RASGRF2: variants seen among roughly 807,000 people sequenced by gnomAD.
The protein encoded by RASGRF2 is Ras protein specific guanine nucleotide releasing factor 2, also known as ras-specific guanine nucleotide-releasing factor 2.
In RASGRF2, 76 loss-of-function variants were observed where a neutral mutation model predicts 151.0. That is an observed-to-expected ratio of 0.50 (90% CI 0.42 to 0.61). The LOEUF (loss-of-function observed/expected upper bound fraction) is 0.61, where lower values mean the gene tolerates loss of function less well. Among genes scored for constraint, RASGRF2 ranks in the 20% least tolerant of loss-of-function variants. RASGRF2 has a pLI of 0.00. For synonymous variants in RASGRF2, 504 were observed against 566.5 expected (o/e 0.89, Z 1.57); for missense variants, 1,148 against 1,564.6 (o/e 0.73, Z 4.49).
intron 1 of RASGRF2, among the ~76,000 whole-genome samples, chr5:81,012,860 G>A (rs979727208): frequency 2.6e-5 from 4 of 152,052 alleles, no homozygotes; most frequent in African/African-American, 9.7e-5. Flanking sequence ...GTGTGACAAG[G>A]TCGTGCACCT....
At chr5:81,134,079 C>CGTGTGT (rs139770057) in intron 17 of RASGRF2, among the ~76,000 whole-genome samples, 29,191 of 143,496 alleles carry the variant, frequency 0.2, 3,175 homozygotes, top group Middle Eastern at 0.24. Flanking sequence ...TGCTTGTGTG[C>CGTGTGT]GTGTGTGTGT....
chr5:80,995,571 ACT>A (rs996897338), intron 1 of RASGRF2, among the ~76,000 whole-genome samples: 1 of 145,808 alleles, frequency 6.9e-6, no homozygotes, highest in African/African-American at 2.5e-5. Context: ...GCCATACCCC[ACT>A]CTTTCTCATT....
chr5:81,036,495 T>G (rs1451738886), intron 1 of RASGRF2, among the ~76,000 whole-genome samples: 1 of 152,114 alleles, frequency 6.6e-6, no homozygotes, highest in African/African-American at 2.4e-5. Flanking sequence ...CTAGATAAGT[T>G]TATGTTTTCT....
chr5:81,060,117 G>A lies in RASGRF2; in HGVS notation c.396-7915G>A, dbSNP rs141080251. 2.5e-3 allele frequency among the ~76,000 whole-genome samples: 388 copies of A among 152,320 alleles called. 7 individuals are homozygous for A. The highest frequency in any genetic ancestry group is 8.3e-3 in the African/African-American group (346 of 41,564). On this transcript the variant is annotated intron_variant, in intron 2 of 26. Coordinates refer to ENST00000265080, the MANE Select transcript of RASGRF2 (RefSeq NM_006909.3). ...GAACTCATTCACTGTCTTGAGGACA[G>A]CATGAAGCCATGAGGGATCTGTCCC... is the stretch of plus-strand genomic sequence containing the variant.
chr5:81,203,123 T>C (rs1755433804), intron 19 of RASGRF2, among the ~76,000 whole-genome samples: 1 of 152,222 alleles, frequency 6.6e-6, no homozygotes, highest in African/African-American at 2.4e-5. Context: ...TGTAAGTACA[T>C]ATTGAGGTGA....
chr5:81,134,229 G>A (rs1024639544), intron 17 of RASGRF2, among the ~76,000 whole-genome samples: 25 of 152,150 alleles, frequency 1.6e-4, no homozygotes, highest in Non-Finnish European at 2.9e-4. Context: ...GTAGAAGAAT[G>A]TGGTTAAAAC....
chr5:81,074,579 T>C (rs1751881342), intron 5 of RASGRF2, among the ~76,000 whole-genome samples: 1 of 152,202 alleles, frequency 6.6e-6, no homozygotes, highest in Non-Finnish European at 1.5e-5. Context: ...GAGTCTTATT[T>C]TCCCTCTTCT....
intron 26 of RASGRF2, among the ~76,000 whole-genome samples, chr5:81,222,705 A>G (rs1755880621): frequency 6.6e-6 from 1 of 152,232 alleles, no homozygotes; most frequent in South Asian, 2.1e-4. Context: ...TAGATAATAA[A>G]TGTTTCTTGA....
At chr5:81,005,220 G>A (rs1429871218) in intron 1 of RASGRF2, among the ~76,000 whole-genome samples, 2 of 152,116 alleles carry the variant, frequency 1.3e-5, no homozygotes, top group African/African-American at 2.4e-5. Context: ...AGGGAAAGAG[G>A]TTTAGTTGAC....
Position 80,960,469 on chromosome 5 carries a change from G to A in RASGRF2, c.-270G>A, listed in dbSNP as rs1166122743. Among the ~76,000 whole-genome samples the A allele has an allele frequency of 6.8e-6, 1 of 147,494 alleles. No individual in the cohort carries two copies. The highest frequency in any genetic ancestry group is 2.2e-4 in the East Asian group (1 of 4,628). On this transcript the variant is annotated 5_prime_UTR_variant, in exon 1 of 27. Transcript: ENST00000265080. The surrounding 1 kb of genome is among the most constrained non-coding windows in gnomAD (Gnocchi z 5.5). ...GCCCTCGCGGGGCCGCGCTCCACGCGGGCGTTGGGGGCTTGGGGGGCTCCG... is the reference window on the plus strand; with the variant it reads ...GCCCTCGCGGGGCCGCGCTCCACGCAGGCGTTGGGGGCTTGGGGGGCTCCG...
chr5:80,977,698 C>A (rs1748170365), intron 1 of RASGRF2, among the ~76,000 whole-genome samples: 1 of 152,354 alleles, frequency 6.6e-6, no homozygotes, highest in Non-Finnish European at 1.5e-5. Flanking sequence ...CTCAGGTGAT[C>A]CGCCTGCTTC....
chr5:81,031,615 C>G (rs1750251045), intron 1 of RASGRF2, among the ~76,000 whole-genome samples: 1 of 152,150 alleles, frequency 6.6e-6, no homozygotes, highest in Admixed American at 6.6e-5. Context: ...AACAAAGACA[C>G]CACATACCCA....
At position 81,026,171 on chromosome 5, in the gene RASGRF2, C is replaced by T. The variant is rs74548511; in HGVS notation, c.289-16706C>T. Among the ~76,000 whole-genome samples the T allele has an allele frequency of 1.4e-3, 56 of 40,516 alleles. 1 individual carries two copies. Among genetic ancestry groups the T allele is most frequent in the Admixed American group, 2.2e-3 (8 of 3,660 alleles). The allele number at this position is 40,516 out of a possible 152,430, so 26.6% of individuals were successfully genotyped here. On this transcript the variant is annotated intron_variant, in intron 1 of 26. Transcript: ENST00000265080. ...TCCTTCCTCCCTCCCTCTCTTCCTC[C>T]CTTCCTCCCTTCCTTCCTTTTTCCT... is the stretch of plus-strand genomic sequence containing the variant.
At chr5:81,019,728 A>T (rs1580211337) in intron 1 of RASGRF2, 1 of 152,278 alleles carries the variant, frequency 6.6e-6, no homozygotes, top group Admixed American at 6.5e-5. Context: ...TAATTTAAAC[A>T]TCACTGATTT....
intron 18 of RASGRF2, among the ~76,000 whole-genome samples, chr5:81,186,617 A>G (rs912393633): frequency 7.2e-5 from 11 of 152,190 alleles, no homozygotes; most frequent in African/African-American, 2.4e-4. Flanking sequence ...TCATTAAAAT[A>G]TATGTTCCCT....
In RASGRF2 at chr5:81,092,901, A is replaced by G; in HGVS notation, c.1491A>G (p.Leu497=). 1 of 1,612,908 alleles carries G rather than the reference A, an allele frequency of 6.2e-7. No individual in the cohort carries two copies. The highest frequency in any genetic ancestry group is 8.5e-7 in the Non-Finnish European group (1 of 1,178,922). Reference sequence around the variant, plus strand: ...AGGAAGGAGAGAGACAATGCTTCTTATTTACAAAACACTTTTTAATATGTA... The same window carrying G: ...AGGAAGGAGAGAGACAATGCTTCTTGTTTACAAAACACTTTTTAATATGTA... The part of the protein sequence containing the change: ...LKKEGERQCF[L]FTKHFLICTR... The change falls in exon 10 of 27, where the codon TTA becomes TTG. Residue 497 remains leucine (L), a synonymous_variant. Transcript: ENST00000265080.
intron 15 of RASGRF2, among the ~76,000 whole-genome samples, chr5:81,122,475 C>G (rs1008766731): frequency 1.1e-4 from 16 of 152,058 alleles, no homozygotes; most frequent in African/African-American, 3.6e-4. Context: ...TTTCCTGGCC[C>G]CTTTGTGTTT....
At chr5:81,174,641 C>T (rs1447599054) in intron 17 of RASGRF2, among the ~76,000 whole-genome samples, 1 of 152,198 alleles carries the variant, frequency 6.6e-6, no homozygotes, top group African/African-American at 2.4e-5. Context: ...ATTCTTTAAA[C>T]ATAGTGCTAG....
chr5:81,159,445 G>A (rs1386037755), intron 17 of RASGRF2, among the ~76,000 whole-genome samples: 2 of 152,222 alleles, frequency 1.3e-5, no homozygotes, highest in Non-Finnish European at 2.9e-5. Flanking sequence ...CTCAATGAAA[G>A]AATCTGGATG....
Sources: allele counts gnomAD v4.1 joint callset (sites outside exome capture counted in the v4.1 genomes callset), GRCh38; gene constraint gnomAD v4.1.1; non-coding constraint Gnocchi (gnomAD v3.1); transcripts MANE v1.5; gene names NCBI Gene and HGNC (gene_info 2026-07-23, HGNC 2026-07-21).